The following SHROOM4 variants were observed in gnomAD, a reference collection of about 807,000 sequenced individuals.
SHROOM4 encodes the protein protein Shroom4.
A neutral mutation model predicts 80.3 loss-of-function variants in SHROOM4; 17 were observed. That is an observed-to-expected ratio of 0.21 (90% CI 0.14 to 0.32). SHROOM4 has a LOEUF of 0.32. Ranked by LOEUF, SHROOM4 falls within the 10% of genes least tolerant of loss-of-function variation. The probability of loss-of-function intolerance (pLI) is 1.00; values close to 1 mark genes in which losing one functional copy is unlikely to be tolerated. For synonymous variants in SHROOM4, 400 were observed against 437.5 expected (o/e 0.91, Z 1.07); for missense variants, 993 against 1,140.3 (o/e 0.87, Z 1.86).
chrX:50,675,714 T>A (rs782681617), intron 2 of SHROOM4, among the ~76,000 whole-genome samples: 144 of 111,243 alleles, frequency 1.3e-3, no homozygotes, highest in Non-Finnish European at 1.6e-3. Context: ...GTAAATTATG[T>A]TACATACTGA....
chrX:50,798,949 C>A (rs782026757), intron 1 of SHROOM4, among the ~76,000 whole-genome samples: 81 of 111,589 alleles, frequency 7.3e-4, no homozygotes, highest in Non-Finnish European at 1.2e-3. Flanking sequence ...CCAAAGAATT[C>A]CCTCCTGCCC....
chrX:50,695,973 G>A, intron 1 of SHROOM4, 36 bp from the exon 2 acceptor site: 1 of 1,205,956 alleles, frequency 8.3e-7, no homozygotes. Flanking sequence ...AGCAGGTAGT[G>A]AGATGACTTT....
At chrX:50,697,097 T>G (rs1428804154) in intron 1 of SHROOM4, among the ~76,000 whole-genome samples, 1 of 111,517 alleles carries the variant, frequency 9.0e-6, no homozygotes, top group Non-Finnish European at 1.9e-5. Context: ...GCTAGAGATA[T>G]AAAAATGAAC....
At chrX:50,743,302 AG>A (rs1934705984) in intron 1 of SHROOM4, among the ~76,000 whole-genome samples, 2 of 111,046 alleles carry the variant, frequency 1.8e-5, no homozygotes, top group Non-Finnish European at 3.8e-5. Context: ...CTGCTGCTTC[AG>A]TATGGTTTTG....
Position 50,635,686 on chromosome X carries a change from T to C in SHROOM4, c.405-18A>G. The C allele has an allele frequency of 8.3e-7, 1 of 1,197,607 alleles. No individual in the cohort carries two copies. Among genetic ancestry groups the C allele is most frequent in the Non-Finnish European group, 1.1e-6 (1 of 887,039 alleles). On this transcript the variant is annotated intron_variant, in intron 3 of 8. Transcript: ENST00000376020. ...ACACGTCACTGTAAGACACAGGGCA[T>C]ACTGGTTAGTTAGCGAAGTCATGGC... is the stretch of plus-strand genomic sequence containing the variant.
At chrX:50,623,848 A>G (rs1205931814) in intron 5 of SHROOM4, among the ~76,000 whole-genome samples, 2 of 112,468 alleles carry the variant, frequency 1.8e-5, no homozygotes, top group East Asian at 5.6e-4. Context: ...GGAAATAAAA[A>G]GGAACGAAGT....
chrX:50,609,601 G>C (rs782547271), intron 5 of SHROOM4, among the ~76,000 whole-genome samples: 12 of 110,133 alleles, frequency 1.1e-4, no homozygotes, highest in African/African-American at 4.0e-4. Flanking sequence ...CTGCAAAGCA[G>C]TGCTTTTTGG....
rs1557245237 is a variant in SHROOM4, at chrX:50,590,306, G to A, written c.*6389C>T. 9.0e-6 allele frequency among the ~76,000 whole-genome samples: 1 copy of A among 110,870 alleles called. No individual in the cohort carries two copies. Among genetic ancestry groups the A allele is most frequent in the African/African-American group, 3.3e-5 (1 of 30,375 alleles). On this transcript the variant is annotated 3_prime_UTR_variant, in exon 9 of 9. Transcript: ENST00000376020. Reference sequence around the variant, plus strand: ...CAGTCACCCAGGCTGGAGTGCAGTGGCTCAATCTCTGCTCACTGCAAGCTC... The same window carrying A: ...CAGTCACCCAGGCTGGAGTGCAGTGACTCAATCTCTGCTCACTGCAAGCTC...
At position 50,598,346 on chromosome X, in the gene SHROOM4, G is replaced by A; in HGVS notation, c.4132C>T (p.Leu1378=). The A allele has an allele frequency of 8.3e-7, 1 of 1,211,251 alleles. No individual in the cohort carries two copies. The highest frequency in any genetic ancestry group is 1.1e-6 in the Non-Finnish European group (1 of 895,376). ...AGTCGTCCAGAGAGTGACAGCAACAGGTTGACCACTTTGTCCAGGTCCCCA... is the reference window on the plus strand; with the variant it reads ...AGTCGTCCAGAGAGTGACAGCAACAAGTTGACCACTTTGTCCAGGTCCCCA... The part of the protein sequence containing the change: ...FVGDLDKVVN[L]LLSLSGRLAR... The change falls in exon 8 of 9, where the codon CTG becomes TTG. Residue 1378 remains leucine (L), a synonymous_variant. Transcript: ENST00000376020.
intron 2 of SHROOM4, among the ~76,000 whole-genome samples, chrX:50,651,781 G>C (rs1051371087): frequency 5.6e-5 from 6 of 106,478 alleles, no homozygotes; most frequent in Non-Finnish European, 9.6e-5. Flanking sequence ...CCCTCCCAGT[G>C]TCCATGTGTT....
chrX:50,618,544 T>A (rs992152581), intron 5 of SHROOM4, among the ~76,000 whole-genome samples: 41 of 109,624 alleles, frequency 3.7e-4, no homozygotes, highest in African/African-American at 1.3e-3. Context: ...TGTGCCACCA[T>A]GCCTAGCTAA....
chrX:50,678,864 C>T (rs1215690013), intron 2 of SHROOM4, among the ~76,000 whole-genome samples: 3 of 110,805 alleles, frequency 2.7e-5, no homozygotes, highest in African/African-American at 6.5e-5. Context: ...CCCCAATTTA[C>T]CCCCTGCCAC....
intron 1 of SHROOM4, among the ~76,000 whole-genome samples, chrX:50,767,133 A>G (rs1935292505): frequency 8.9e-6 from 1 of 112,267 alleles, no homozygotes; most frequent in African/African-American, 3.2e-5. Flanking sequence ...AAAACAGCTC[A>G]TACCTTTTGG....
chrX:50,664,928 G>GACACACACAC (rs782486964), intron 2 of SHROOM4, among the ~76,000 whole-genome samples: 150 of 100,896 alleles, frequency 1.5e-3, no homozygotes, highest in African/African-American at 5.1e-3. Context: ...ACACCACACA[G>GACACACACAC]ACACACACAC....
rs781822339 is a variant in SHROOM4 at position 50,686,599 on chromosome X, A to G, written c.269+9187T>C. ...ATTGTTTGAATGACTTGAAAAATAT[A>G]TGTATATATTTTATATATACACATA... On this transcript the variant is annotated intron_variant, in intron 2 of 8. Transcript: ENST00000376020. Among the ~76,000 whole-genome samples, 9 of 111,611 alleles carry G rather than the reference A, an allele frequency of 8.1e-5. No individual in the cohort carries two copies. The South Asian group carries it at 2.2e-3, about 28-fold the overall frequency.
intron 1 of SHROOM4, among the ~76,000 whole-genome samples, chrX:50,730,712 T>G (rs1472687668): frequency 9.2e-6 from 1 of 109,180 alleles, no homozygotes; most frequent in Non-Finnish European, 1.9e-5. Context: ...GAGGCAGAGG[T>G]TGCAGTGAGC....
chrX:50,673,132 A>C (rs190403320), intron 2 of SHROOM4, among the ~76,000 whole-genome samples: 1 of 112,132 alleles, frequency 8.9e-6, no homozygotes, highest in East Asian at 2.8e-4. Context: ...ATGTATGTAT[A>C]TGGGTAAATA....
chrX:50,773,851 A>G (rs1935446589), intron 1 of SHROOM4, among the ~76,000 whole-genome samples: 1 of 112,508 alleles, frequency 8.9e-6, no homozygotes, highest in Admixed American at 9.4e-5. Flanking sequence ...CTTTTTGGCA[A>G]ATGAATTATG....
chrX:50,678,022 G>A (rs1373988319), intron 2 of SHROOM4, among the ~76,000 whole-genome samples: 1 of 111,762 alleles, frequency 8.9e-6, no homozygotes, highest in African/African-American at 3.2e-5. Context: ...AACCAAATTA[G>A]CGTAGGAAAA....
Sources: gnomAD v4.1 joint callset for allele counts (sites outside exome capture counted in the v4.1 genomes callset) on GRCh38, gnomAD v4.1.1 for gene constraint, MANE v1.5 for transcripts, NCBI Gene and HGNC (gene_info 2026-07-23, HGNC 2026-07-21) for gene names.